The following CCDC15 variants were observed in gnomAD, a reference collection of about 807,000 sequenced individuals.
CCDC15 encodes coiled-coil domain containing 15, also known as coiled-coil domain-containing protein 15.
A neutral mutation model predicts 114.5 loss-of-function variants in CCDC15; 105 were observed. The observed-to-expected ratio is 0.92, with a 90% CI of 0.78 to 1.08. The LOEUF (loss-of-function observed/expected upper bound fraction) is 1.08, where lower values mean the gene tolerates loss of function less well. Ranked by LOEUF, CCDC15 falls within the 50% of genes least tolerant of loss-of-function variation. The pLI is 0.00. For synonymous variants in CCDC15, 334 were observed against 377.8 expected, an observed-to-expected ratio of 0.88 and a Z score of 1.34; for missense variants, 1,105 against 1,093.6, an observed-to-expected ratio of 1.01 and a Z score of -0.15.
At chr11:124,977,380 C>A in intron 5 of CCDC15, 98 bp from the exon 6 acceptor site, 2 of 1,183,398 alleles carry the variant, frequency 1.7e-6, no homozygotes, top group East Asian at 2.7e-5. Context: ...CCAAAACCTA[C>A]TAAGATAATT....
chr11:125,014,802 A>C (rs1158584087), intron 13 of CCDC15, among the ~76,000 whole-genome samples: 1 of 152,288 alleles, frequency 6.6e-6, no homozygotes, highest in East Asian at 1.9e-4. Flanking sequence ...ACATAGACCT[A>C]CTATATGACC....
chr11:125,006,571 T>C (rs1313183008), intron 13 of CCDC15, among the ~76,000 whole-genome samples: 1 of 152,220 alleles, frequency 6.6e-6, no homozygotes, highest in Non-Finnish European at 1.5e-5. Context: ...TTTGGTGTTA[T>C]ATATAAAAAA....
chr11:124,975,448 T>C (rs1046735599), intron 5 of CCDC15, among the ~76,000 whole-genome samples: 1 of 152,082 alleles, frequency 6.6e-6, no homozygotes, highest in Non-Finnish European at 1.5e-5. Flanking sequence ...AAGAAAAAAG[T>C]TGGATATGAA....
At chr11:124,988,967 A>G (rs544536244) in intron 8 of CCDC15, among the ~76,000 whole-genome samples, 142 of 152,250 alleles carry the variant, frequency 9.3e-4, no homozygotes, top group Admixed American at 2.9e-3. Flanking sequence ...ACTTCTTCCA[A>G]ACTCCTGTTA....
At chr11:125,035,057 A>T (rs1414626848) in intron 13 of CCDC15, among the ~76,000 whole-genome samples, 4 of 152,162 alleles carry the variant, frequency 2.6e-5, no homozygotes, top group Non-Finnish European at 5.9e-5. Flanking sequence ...TTGGAGTCTG[A>T]TGTTGGAGGG....
Position 124,992,703 on chromosome 11 carries a change from G to GTCCTCC in CCDC15, c.2139+17_2139+18insCCTCCT. ...TAGAGAACAGGTAGAACCGAATACA[G>GTCCTCC]TAGGAGGACTGTATACCTTCTAAAA... On this transcript the variant is annotated intron_variant, in intron 10 of 15. Coordinates refer to ENST00000344762, the MANE Select transcript of CCDC15 (RefSeq NM_025004.3). 1.5e-6 allele frequency: 2 copies of GTCCTCC among 1,371,474 alleles called. No homozygotes were observed. Among genetic ancestry groups the GTCCTCC allele is most frequent in the Non-Finnish European group, 1.0e-6 (1 of 977,756 alleles). 85.0% of individuals were successfully genotyped at this position (1,371,474 alleles called of 1,614,324 possible).
Position 124,954,850 on chromosome 11 carries a change from G to C in CCDC15, c.118G>C (p.Val40Leu). Residue 40 changes from valine to leucine, a missense_variant, in exon 2 of 16, where the codon GTA (valine) becomes CTA (leucine). Transcript: ENST00000344762. ...AVLAERNEAI[V>L]PVGAWVEPAS... The stretch of plus-strand genomic sequence containing the variant: ...GCTGGCTGAGAGGAACGAGGCTATA[G>C]TACCAGTTGGGGCATGGGTGGAACC... 1 of 1,614,046 alleles carries C rather than the reference G, an allele frequency of 6.2e-7. No homozygotes were observed. Among genetic ancestry groups the C allele is most frequent in the Non-Finnish European group, 8.5e-7 (1 of 1,179,892 alleles).
intron 11 of CCDC15, among the ~76,000 whole-genome samples, chr11:124,999,903 C>A (rs1166968647): frequency 1.4e-5 from 2 of 145,180 alleles, no homozygotes; most frequent in Non-Finnish European, 3.0e-5. Flanking sequence ...GCTCTGTCAC[C>A]CAGGCTGGAG....
intron 11 of CCDC15, among the ~76,000 whole-genome samples, chr11:124,995,387 G>A (rs35491056): frequency 0.27 from 40,499 of 151,968 alleles, 6,384 homozygotes; most frequent in African/African-American, 0.44. Flanking sequence ...CTTATTGTCT[G>A]GAGATTTCCC....
At chr11:124,976,073 C>A (rs1467627543) in intron 5 of CCDC15, among the ~76,000 whole-genome samples, 1 of 151,402 alleles carries the variant, frequency 6.6e-6, no homozygotes, top group Non-Finnish European at 1.5e-5. Flanking sequence ...GTAAAATAGA[C>A]CATTAATTTA....
At chr11:124,959,450 T>A (rs1217748548) in intron 3 of CCDC15, among the ~76,000 whole-genome samples, 186 bp downstream of exon 3, 1 of 152,200 alleles carries the variant, frequency 6.6e-6, no homozygotes, top group Admixed American at 6.5e-5. Flanking sequence ...TGACTCAATT[T>A]TTTGCTTTTA....
chr11:125,001,120 T>G (rs1432752508), intron 11 of CCDC15, among the ~76,000 whole-genome samples: 1 of 152,182 alleles, frequency 6.6e-6, no homozygotes, highest in African/African-American at 2.4e-5. Context: ...GGGGACCATT[T>G]TAACAGTGAA....
At chr11:124,970,105 T>G (rs898953390) in intron 4 of CCDC15, among the ~76,000 whole-genome samples, 7 of 152,198 alleles carry the variant, frequency 4.6e-5, no homozygotes, top group Non-Finnish European at 8.8e-5. Context: ...CCTCTTATTT[T>G]CTCATTTCTC....
At chr11:124,968,278 A>C (rs559290754) in intron 4 of CCDC15, among the ~76,000 whole-genome samples, 1 of 151,756 alleles carries the variant, frequency 6.6e-6, no homozygotes, top group Admixed American at 6.6e-5. Context: ...CTACAGAGGC[A>C]GACAGGCCTC....
intron 4 of CCDC15, among the ~76,000 whole-genome samples, chr11:124,973,435 C>T (rs951641104): frequency 1.3e-5 from 2 of 151,330 alleles, no homozygotes; most frequent in Admixed American, 6.6e-5. Flanking sequence ...TTGGCCACTC[C>T]GCAGCTGACC....
chr11:125,001,107 C>T (rs965238038), intron 11 of CCDC15, among the ~76,000 whole-genome samples: 4 of 152,204 alleles, frequency 2.6e-5, no homozygotes, highest in African/African-American at 4.8e-5. Flanking sequence ...TTCAGCTATG[C>T]ATGGGGACCA....
At position 124,959,772 on chromosome 11, in the gene CCDC15, A is replaced by C. The variant is rs377166278; in HGVS notation, c.328-43A>C. 32 of 1,422,106 alleles carry C rather than the reference A, an allele frequency of 2.3e-5. No individual in the cohort carries two copies. The African/African-American group carries it at 4.4e-4, about 20-fold the overall frequency. 88.1% of individuals were successfully genotyped at this position (1,422,106 alleles called of 1,614,324 possible). ...TAGAGGCATTATTTGATTGCTCTGG[A>C]TTGGGGTAGAATGTTACTATCCCCC... On this transcript the variant is annotated intron_variant, in intron 3 of 15. Coordinates refer to ENST00000344762, the MANE Select transcript of CCDC15 (RefSeq NM_025004.3).
intron 13 of CCDC15, among the ~76,000 whole-genome samples, chr11:125,027,901 T>C (rs1008875834): frequency 1.3e-5 from 2 of 152,294 alleles, no homozygotes; most frequent in South Asian, 2.1e-4. Context: ...CATCTTGAGT[T>C]GATTTTTGTA....
chr11:124,986,702 C>CGCGCGCGT (rs1565366394), intron 6 of CCDC15, 40 bp from the exon 7 acceptor site: 1 of 1,208,402 alleles, frequency 8.3e-7, no homozygotes, highest in Non-Finnish European at 1.1e-6. Flanking sequence ...TGTGTGTGTG[C>CGCGCGCGT]GCGCGCGCGC....
Sources: gnomAD v4.1 joint callset for allele counts (sites outside exome capture counted in the v4.1 genomes callset) on GRCh38, gnomAD v4.1.1 for gene constraint, MANE v1.5 for transcripts, NCBI Gene and HGNC (gene_info 2026-07-23, HGNC 2026-07-21) for gene names.